TPST2: variants seen among roughly 807,000 people sequenced by gnomAD.
TPST2 encodes the protein protein-tyrosine sulfotransferase 2.
A neutral mutation model predicts 27.8 loss-of-function variants in TPST2; 16 were observed. That is an observed-to-expected ratio of 0.58 (90% CI 0.39 to 0.88). TPST2 has a LOEUF of 0.88. Among genes scored for constraint, TPST2 ranks in the 40% least tolerant of loss-of-function variants. The pLI is 0.00. For missense variants in TPST2, 464 were observed against 543.1 expected, an observed-to-expected ratio of 0.85 and a Z score of 1.45; for synonymous variants, 229 against 231.7, an observed-to-expected ratio of 0.99 and a Z score of 0.10.
At chr22:26,571,705 C>T (rs927713623) in intron 1 of TPST2, among the ~76,000 whole-genome samples, 3 of 152,210 alleles carry the variant, frequency 2.0e-5, no homozygotes, top group Non-Finnish European at 4.4e-5. Flanking sequence ...AAACTCAACA[C>T]AATCAACCTA....
At chr22:26,581,838 C>T (rs1270926948) in intron 1 of TPST2, among the ~76,000 whole-genome samples, 2 of 152,220 alleles carry the variant, frequency 1.3e-5, no homozygotes, top group Non-Finnish European at 2.9e-5. Flanking sequence ...CAGACTTTCT[C>T]TTCAAAGGCC....
chr22:26,530,936 G>C (rs1478366123), intron 5 of TPST2, among the ~76,000 whole-genome samples: 2 of 152,092 alleles, frequency 1.3e-5, no homozygotes, highest in Admixed American at 6.6e-5. Flanking sequence ...TTGAACCTGG[G>C]AGGCAGAAGC....
intron 1 of TPST2, among the ~76,000 whole-genome samples, chr22:26,571,091 C>T (rs571875613): frequency 9.5e-4 from 144 of 152,324 alleles, no homozygotes; most frequent in African/African-American, 3.4e-3. Flanking sequence ...CCTCCCATGG[C>T]TCCCACTTTA....
intron 2 of TPST2, among the ~76,000 whole-genome samples, chr22:26,543,457 C>A (rs1311530673): frequency 6.6e-6 from 1 of 152,084 alleles, no homozygotes; most frequent in Non-Finnish European, 1.5e-5. Context: ...GACAGCATCC[C>A]CACCTTGGCT....
chr22:26,550,663 T>G (rs1230638539), intron 1 of TPST2: 14 of 985,790 alleles, frequency 1.4e-5, no homozygotes, highest in Non-Finnish European at 1.7e-5. Context: ...TTCCTCCCCA[T>G]GGGAACCAGC....
At chr22:26,584,179 G>A (rs1928242348) in intron 1 of TPST2, among the ~76,000 whole-genome samples, 2 of 152,220 alleles carry the variant, frequency 1.3e-5, no homozygotes, top group South Asian at 4.1e-4. Flanking sequence ...ACGGAAACTG[G>A]GGCTCAGAGA....
chr22:26,539,326 C>T (rs545737582), intron 3 of TPST2, among the ~76,000 whole-genome samples: 1 of 152,278 alleles, frequency 6.6e-6, no homozygotes, highest in Non-Finnish European at 1.5e-5. Flanking sequence ...GCATATTCTG[C>T]TCCAGCATTG....
At chr22:26,586,563 A>G (rs943526307) in intron 1 of TPST2, among the ~76,000 whole-genome samples, 3 of 152,166 alleles carry the variant, frequency 2.0e-5, no homozygotes, top group Admixed American at 6.5e-5. Flanking sequence ...CTGCTTTCTT[A>G]ATGCACAGGA....
chr22:26,531,821 A>C (rs1365230252), intron 5 of TPST2, among the ~76,000 whole-genome samples: 6 of 152,202 alleles, frequency 3.9e-5, no homozygotes, highest in Non-Finnish European at 8.8e-5. Flanking sequence ...GCCAACTTCA[A>C]ATCTGGAGGT....
intron 1 of TPST2, among the ~76,000 whole-genome samples, chr22:26,589,725 C>A (rs865867993): frequency 2.0e-4 from 31 of 152,304 alleles, no homozygotes; most frequent in South Asian, 4.1e-4. Context: ...CGCCCTCCCC[C>A]CCAGTCCCCC....
At chr22:26,573,553 A>C (rs1355618044) in intron 1 of TPST2, among the ~76,000 whole-genome samples, 2 of 152,196 alleles carry the variant, frequency 1.3e-5, no homozygotes, top group Non-Finnish European at 2.9e-5. Flanking sequence ...TTCTGATTGC[A>C]TGACTTTCCA....
chr22:26,571,642 G>A (rs565699464), intron 1 of TPST2, among the ~76,000 whole-genome samples: 1 of 152,198 alleles, frequency 6.6e-6, no homozygotes, highest in African/African-American at 2.4e-5. Flanking sequence ...CATAGCAACC[G>A]TGAAATGGCC....
At chr22:26,539,419 G>T (rs981265564) in intron 3 of TPST2, among the ~76,000 whole-genome samples, 2 of 152,104 alleles carry the variant, frequency 1.3e-5, no homozygotes, top group Non-Finnish European at 2.9e-5. Flanking sequence ...AGGGAGGAAG[G>T]AAAGGAAAGG....
intron 1 of TPST2, among the ~76,000 whole-genome samples, chr22:26,564,823 A>G (rs2267094): frequency 0.23 from 34,225 of 152,046 alleles, 4,198 homozygotes; most frequent in South Asian, 0.35. Flanking sequence ...ATAGCCATGG[A>G]AGGGGTATCC....
rs201324297 is a variant in TPST2, at chr22:26,559,374, T to TA, written c.-160-14700dup. Among the ~76,000 whole-genome samples, 85 of 152,144 alleles carry TA rather than the reference T, an allele frequency of 5.6e-4. No homozygotes were observed. In the East Asian group the frequency reaches 0.011, roughly 19 times the overall value. ...GAGCGAAACTCCATCTCAAAAAAAA[T>TA]AAAAAAATAAAGTGTACAGTTCAAT... On this transcript the variant is annotated intron_variant, in intron 1 of 6. Coordinates refer to ENST00000338754, the MANE Select transcript of TPST2 (RefSeq NM_003595.5).
chr22:26,528,079 G>T, intron 6 of TPST2, 135 bp downstream of exon 6: 1 of 932,636 alleles, frequency 1.1e-6, no homozygotes, highest in Non-Finnish European at 1.6e-6. Flanking sequence ...CCTCTGATGG[G>T]GCTGGGTCAG....
At chr22:26,563,389 C>T (rs1165660722) in intron 1 of TPST2, among the ~76,000 whole-genome samples, 2 of 145,404 alleles carry the variant, frequency 1.4e-5, no homozygotes, top group African/African-American at 2.6e-5. Flanking sequence ...AGTGCAGTGG[C>T]GTGATCTCAG....
intron 3 of TPST2, among the ~76,000 whole-genome samples, chr22:26,539,122 A>G (rs1925649551): frequency 6.6e-6 from 1 of 152,188 alleles, no homozygotes; most frequent in Non-Finnish European, 1.5e-5. Flanking sequence ...TCCAGCACCA[A>G]CTGGCTGGGG....
chr22:26,574,978 C>G (rs1298736561), intron 1 of TPST2, among the ~76,000 whole-genome samples: 1 of 152,156 alleles, frequency 6.6e-6, no homozygotes, highest in Non-Finnish European at 1.5e-5. Context: ...ATCCCGGGAC[C>G]ATCTAAGGGA....
Sources: allele counts gnomAD v4.1 joint callset (sites outside exome capture counted in the v4.1 genomes callset), GRCh38; gene constraint gnomAD v4.1.1; transcripts MANE v1.5; gene names NCBI Gene and HGNC (gene_info 2026-07-23, HGNC 2026-07-21).